SNTG1: variants seen among roughly 807,000 people sequenced by gnomAD.
SNTG1 encodes gamma-1-syntrophin.
A neutral mutation model predicts 74.7 loss-of-function variants in SNTG1; 39 were observed. The observed-to-expected ratio is 0.52, with a 90% CI of 0.40 to 0.68. The LOEUF (loss-of-function observed/expected upper bound fraction) is 0.68, where lower values mean the gene tolerates loss of function less well. Ranked by LOEUF, SNTG1 falls within the 30% of genes least tolerant of loss-of-function variation. The pLI is 0.00. For synonymous variants in SNTG1, 254 were observed against 217.1 expected (o/e 1.17, Z -1.49); for missense variants, 685 against 609.5 (o/e 1.12, Z -1.30).
At chr8:50,669,876 G>A (rs1464514671) in intron 15 of SNTG1, among the ~76,000 whole-genome samples, 2 of 152,106 alleles carry the variant, frequency 1.3e-5, no homozygotes, top group Admixed American at 1.3e-4. Context: ...GGGATGCAAG[G>A]CTGGTTCAAT....
chr8:50,776,585 C>T (rs2095641555), intron 18 of SNTG1, among the ~76,000 whole-genome samples: 1 of 149,530 alleles, frequency 6.7e-6, no homozygotes, highest in Admixed American at 6.7e-5. Flanking sequence ...TAGTAAGAAC[C>T]AAACCAGACA....
chr8:50,648,384 C>T (rs1304257071), intron 13 of SNTG1, among the ~76,000 whole-genome samples: 4 of 152,080 alleles, frequency 2.6e-5, no homozygotes, highest in Admixed American at 6.6e-5. Flanking sequence ...ATGTACACCA[C>T]CGCATTCTTT....
intron 2 of SNTG1, among the ~76,000 whole-genome samples, chr8:50,359,220 A>G (rs2091895967): frequency 6.6e-6 from 1 of 152,196 alleles, no homozygotes; most frequent in Non-Finnish European, 1.5e-5. Flanking sequence ...CTCTGAGTTC[A>G]GCTCCTTAGT....
intron 9 of SNTG1, among the ~76,000 whole-genome samples, chr8:50,518,750 A>G (rs1461871951): frequency 6.6e-6 from 1 of 152,190 alleles, no homozygotes; most frequent in Non-Finnish European, 1.5e-5. Flanking sequence ...CCAAGACTAA[A>G]TCAGGAGGAT....
At position 50,779,392 on chromosome 8, in the gene SNTG1, G is replaced by A. The variant is rs1010041899; in HGVS notation, c.1396-13279G>A. ...CTTTTATTTCATCGAGCAGTGGTTT[G>A]TAGTTCTCCTTGAAGAGGTCCTTCA... On this transcript the variant is annotated intron_variant, in intron 18 of 18. Coordinates refer to ENST00000642720, the MANE Select transcript of SNTG1 (RefSeq NM_018967.5). 8.5e-5 allele frequency among the ~76,000 whole-genome samples: 13 copies of A among 152,222 alleles called. No homozygotes were observed. In the East Asian group the frequency reaches 2.5e-3, roughly 29 times the overall value.
intron 1 of SNTG1, among the ~76,000 whole-genome samples, chr8:49,965,099 G>A (rs1243461872): frequency 6.6e-6 from 1 of 152,110 alleles, no homozygotes; most frequent in African/African-American, 2.4e-5. Flanking sequence ...TGTCTAGTAT[G>A]ACGCTCTGGC....
chr8:50,737,055 C>T (rs1411666297), intron 17 of SNTG1, among the ~76,000 whole-genome samples: 1 of 151,830 alleles, frequency 6.6e-6, no homozygotes, highest in Non-Finnish European at 1.5e-5. Flanking sequence ...CAAGAAAAAA[C>T]TCAAATCAGA....
intron 12 of SNTG1, among the ~76,000 whole-genome samples, chr8:50,577,088 T>C (rs954813673): frequency 9.2e-5 from 14 of 152,192 alleles, no homozygotes; most frequent in African/African-American, 2.9e-4. Flanking sequence ...CTTCTACCAT[T>C]GAGTATGATA....
intron 2 of SNTG1, among the ~76,000 whole-genome samples, chr8:50,309,092 T>A (rs1047184030): frequency 6.6e-6 from 1 of 152,160 alleles, no homozygotes; most frequent in Non-Finnish European, 1.5e-5. Flanking sequence ...AAAAAAAATT[T>A]TCTAAAGCTA....
At chr8:50,212,270 G>C (rs867074010) in intron 2 of SNTG1, among the ~76,000 whole-genome samples, 2 of 152,136 alleles carry the variant, frequency 1.3e-5, no homozygotes, top group South Asian at 2.1e-4. Flanking sequence ...TGTTCATCCA[G>C]TTCCAGATAG....
chr8:50,472,166 T>C (rs1005933748), intron 8 of SNTG1, among the ~76,000 whole-genome samples: 5 of 152,144 alleles, frequency 3.3e-5, no homozygotes, highest in Admixed American at 6.6e-5. Context: ...ATTGTGATGG[T>C]GTTTTTCTGA....
At chr8:50,433,084 C>T (rs967867625) in intron 4 of SNTG1, among the ~76,000 whole-genome samples, 3 of 152,184 alleles carry the variant, frequency 2.0e-5, no homozygotes, top group Non-Finnish European at 1.5e-5. Context: ...GCCACTGCGC[C>T]AGGCCACAAA....
chr8:50,302,635 G>T (rs777492527), intron 2 of SNTG1, among the ~76,000 whole-genome samples: 1 of 152,134 alleles, frequency 6.6e-6, no homozygotes, highest in Admixed American at 6.5e-5. Context: ...TTTAATGGGA[G>T]TATGTTACAT....
chr8:50,523,965 A>G (rs905927207), intron 9 of SNTG1, among the ~76,000 whole-genome samples: 1 of 152,142 alleles, frequency 6.6e-6, no homozygotes, highest in African/African-American at 2.4e-5. Flanking sequence ...ATTCCACTTA[A>G]CATTTAAATA....
intron 1 of SNTG1, among the ~76,000 whole-genome samples, chr8:50,138,628 CAATAATAATAATAAT>C (rs34280300): frequency 2.9e-4 from 41 of 140,848 alleles, no homozygotes; most frequent in African/African-American, 5.6e-4. Flanking sequence ...TCTGTCTCAA[CAATAATAATAATAAT>C]AATAATAATA....
chr8:50,405,668 T>A (rs530677973), intron 4 of SNTG1, among the ~76,000 whole-genome samples: 1 of 152,226 alleles, frequency 6.6e-6, no homozygotes, highest in East Asian at 1.9e-4. Flanking sequence ...TGTCAATTTT[T>A]TCTTCTATTG....
At chr8:49,984,133 G>C (rs993669290) in intron 1 of SNTG1, among the ~76,000 whole-genome samples, 23 of 152,036 alleles carry the variant, frequency 1.5e-4, no homozygotes, top group Admixed American at 7.2e-4. Flanking sequence ...AGAATTTCTT[G>C]TTTTTACTAT....
intron 2 of SNTG1, among the ~76,000 whole-genome samples, chr8:50,345,808 T>C (rs2091456144): frequency 6.6e-6 from 1 of 152,248 alleles, no homozygotes; most frequent in South Asian, 2.1e-4. Flanking sequence ...AATAATGCTT[T>C]TCCTCCAAGT....
chr8:50,786,166 C>G (rs1226365177), intron 18 of SNTG1, among the ~76,000 whole-genome samples: 1 of 151,908 alleles, frequency 6.6e-6, no homozygotes, highest in East Asian at 1.9e-4. Context: ...TAGTAAATGA[C>G]TTCTGCAAGG....
Sources: gnomAD v4.1 joint callset for allele counts (sites outside exome capture counted in the v4.1 genomes callset) on GRCh38, gnomAD v4.1.1 for gene constraint, MANE v1.5 for transcripts, NCBI Gene and HGNC (gene_info 2026-07-23, HGNC 2026-07-21) for gene names.